Variants in PALM2AKAP2 observed in about 807,000 individuals in gnomAD.
PALM2AKAP2 encodes the protein PALM2 and AKAP2 fusion.
PALM2AKAP2 carries 37 observed loss-of-function variants against 71.5 expected under a neutral mutation model. The observed-to-expected ratio is 0.52, with a 90% CI of 0.40 to 0.68. PALM2AKAP2 has a LOEUF of 0.68. Among genes scored for constraint, PALM2AKAP2 ranks in the 30% least tolerant of loss-of-function variants. PALM2AKAP2 has a pLI of 0.00. For synonymous variants in PALM2AKAP2, 468 were observed against 478.8 expected (o/e 0.98, Z 0.29); for missense variants, 1,224 against 1,191.8 (o/e 1.03, Z -0.40).
chr9:110,007,893 A>G (rs1832814224), intron 6 of PALM2AKAP2, among the ~76,000 whole-genome samples: 2 of 152,130 alleles, frequency 1.3e-5, no homozygotes, highest in Admixed American at 6.5e-5. Context: ...ATATAATCTA[A>G]TGTTAATAGA....
At chr9:109,685,921 A>G (rs555998440) in intron 1 of PALM2AKAP2, among the ~76,000 whole-genome samples, 2 of 152,282 alleles carry the variant, frequency 1.3e-5, no homozygotes, top group African/African-American at 4.8e-5. Flanking sequence ...CCTGCCTTGT[A>G]AACTAAGTTT....
chr9:109,859,890 A>G (rs1230025556), intron 1 of PALM2AKAP2, among the ~76,000 whole-genome samples: 1 of 152,258 alleles, frequency 6.6e-6, no homozygotes, highest in Non-Finnish European at 1.5e-5. Flanking sequence ...AGGATCAGAA[A>G]ATCACATGCC....
chr9:109,866,368 A>C (rs1389974946), intron 1 of PALM2AKAP2, among the ~76,000 whole-genome samples: 1 of 152,176 alleles, frequency 6.6e-6, no homozygotes, highest in Non-Finnish European at 1.5e-5. Context: ...GTAAACGAAA[A>C]TGCTCCAGTA....
intron 1 of PALM2AKAP2, among the ~76,000 whole-genome samples, chr9:109,833,095 A>G (rs1479284937): frequency 2.0e-5 from 3 of 152,126 alleles, no homozygotes; most frequent in African/African-American, 4.8e-5. Flanking sequence ...AGTGGCTCAC[A>G]CCTGTAATCC....
intron 1 of PALM2AKAP2, among the ~76,000 whole-genome samples, chr9:109,834,602 G>A (rs991908894): frequency 2.6e-5 from 4 of 152,096 alleles, no homozygotes; most frequent in Admixed American, 6.5e-5. Context: ...TTTCAGGGTC[G>A]GGGGTTGAGA....
chr9:109,652,470 T>C (rs1323509445), intron 1 of PALM2AKAP2, among the ~76,000 whole-genome samples: 1 of 152,238 alleles, frequency 6.6e-6, no homozygotes, highest in East Asian at 1.9e-4. Context: ...AAGCAGATGC[T>C]GGTGTTATGC....
At chr9:110,026,052 T>C (rs1274467828) in intron 7 of PALM2AKAP2, among the ~76,000 whole-genome samples, 1 of 151,930 alleles carries the variant, frequency 6.6e-6, no homozygotes, top group Non-Finnish European at 1.5e-5. Flanking sequence ...CTCTCTTCTT[T>C]CTATTTCTTT....
chr9:109,835,431 A>G (rs1828442906), intron 1 of PALM2AKAP2, among the ~76,000 whole-genome samples: 2 of 152,036 alleles, frequency 1.3e-5, no homozygotes, highest in Admixed American at 1.3e-4. Flanking sequence ...GAACAGCTCC[A>G]GTCTACAGCT....
chr9:110,017,621 T>C (rs556875246), intron 7 of PALM2AKAP2, among the ~76,000 whole-genome samples: 1 of 152,104 alleles, frequency 6.6e-6, no homozygotes. Flanking sequence ...GAGTTGCTAG[T>C]GGGAGAGAAG....
At chr9:109,981,057 A>C (rs1832259840) in intron 6 of PALM2AKAP2, among the ~76,000 whole-genome samples, 1 of 152,206 alleles carries the variant, frequency 6.6e-6, no homozygotes, top group Non-Finnish European at 1.5e-5. Flanking sequence ...GCACTAAAGT[A>C]CATAGAATAG....
At position 110,011,014 on chromosome 9, in the gene PALM2AKAP2, A is replaced by AAT. The variant is rs1554737804; in HGVS notation, c.497-4918_497-4917dup. Among the ~76,000 whole-genome samples the AAT allele has an allele frequency of 5.4e-3, 374 of 69,552 alleles. 10 individuals carry two copies. Among genetic ancestry groups the AAT allele is most frequent in the Middle Eastern group, 0.025 (2 of 80 alleles). 45.6% of individuals were successfully genotyped at this position (69,552 alleles called of 152,430 possible). A position where few individuals can be genotyped will look rare whatever the true frequency, so the allele number is the denominator to read the frequency against. The stretch of plus-strand genomic sequence containing the variant: ...TCTGTCTCAAAAAAAAAAAAAAAAA[A>AAT]ATATATATATATATATATATATACT... On this transcript the variant is annotated intron_variant, in intron 6 of 9. Coordinates refer to the PALM2AKAP2 transcript ENST00000302798.
upstream of PALM2AKAP2, among the ~76,000 whole-genome samples, chr9:110,047,087 A>G (rs1040170597): frequency 6.6e-6 from 1 of 152,230 alleles, no homozygotes; most frequent in African/African-American, 2.4e-5. Flanking sequence ...AAAGGAAGAA[A>G]GAAAAGAAGG....
At chr9:110,131,356 C>CAT in intron 1 of PALM2AKAP2, among the ~76,000 whole-genome samples, 1 of 152,296 alleles carries the variant, frequency 6.6e-6, no homozygotes, top group Non-Finnish European at 1.5e-5. Context: ...ATGATTCTTT[C>CAT]ATATCCTCCT....
At chr9:109,861,715 C>T (rs1449224175) in intron 1 of PALM2AKAP2, among the ~76,000 whole-genome samples, 1 of 152,190 alleles carries the variant, frequency 6.6e-6, no homozygotes, top group Non-Finnish European at 1.5e-5. Flanking sequence ...TTCCATGATT[C>T]TTTCCCAGAA....
intron 1 of PALM2AKAP2, among the ~76,000 whole-genome samples, chr9:110,081,229 A>G (rs953325962): frequency 2.0e-5 from 3 of 152,242 alleles, no homozygotes; most frequent in South Asian, 2.1e-4. Context: ...GGAAAAATCA[A>G]TCAACTTAGT....
intron 1 of PALM2AKAP2, among the ~76,000 whole-genome samples, chr9:109,735,441 C>A (rs1828615868): frequency 6.6e-6 from 1 of 151,998 alleles, no homozygotes; most frequent in Non-Finnish European, 1.5e-5. Flanking sequence ...AAGGCAGTTT[C>A]ATGGGACAAA....
At chr9:110,047,538 C>T (rs1833623160), upstream of PALM2AKAP2, among the ~76,000 whole-genome samples, 1 of 152,184 alleles carries the variant, frequency 6.6e-6, no homozygotes. Context: ...AAGAGCATCC[C>T]AGGGCCTTGT....
intron 1 of PALM2AKAP2, among the ~76,000 whole-genome samples, chr9:110,102,909 G>A (rs1224786526): frequency 6.6e-6 from 1 of 152,146 alleles, no homozygotes; most frequent in East Asian, 1.9e-4. Flanking sequence ...TGCCTCTGCA[G>A]GACAGTTTTG....
intron 1 of PALM2AKAP2, among the ~76,000 whole-genome samples, chr9:110,129,312 A>G (rs1010545496): frequency 2.0e-5 from 3 of 152,214 alleles, no homozygotes; most frequent in Admixed American, 2.0e-4. Flanking sequence ...CAAGCAAAAG[A>G]TCAACCAAAA....
Sources: gnomAD v4.1 joint callset for allele counts (sites outside exome capture counted in the v4.1 genomes callset) on GRCh38, gnomAD v4.1.1 for gene constraint, MANE v1.5 for transcripts, NCBI Gene and HGNC (gene_info 2026-07-23, HGNC 2026-07-21) for gene names.